RFX7: variants seen among roughly 807,000 people sequenced by gnomAD.
RFX7 encodes the protein regulatory factor X7.
RFX7 carries 26 observed loss-of-function variants against 111.8 expected under a neutral mutation model. The observed-to-expected ratio is 0.23, with a 90% CI of 0.17 to 0.32. The LOEUF (loss-of-function observed/expected upper bound fraction) is 0.32. RFX7 is among the 10% of genes least tolerant of loss of function. RFX7 has a pLI of 1.00. For missense variants in RFX7, 1,573 were observed against 1,772.9 expected (o/e 0.89, Z 2.02); for synonymous variants, 624 against 624.4 (o/e 1.00, Z 0.01).
chr15:56,148,326 G>A (rs775266261), intron 3 of RFX7, among the ~76,000 whole-genome samples: 4 of 152,134 alleles, frequency 2.6e-5, no homozygotes, highest in East Asian at 1.9e-4. Flanking sequence ...TTATGAAGAC[G>A]GTTTTTCTGA....
chr15:56,121,376 T>C (rs1238676216), intron 5 of RFX7, among the ~76,000 whole-genome samples: 2 of 152,190 alleles, frequency 1.3e-5, no homozygotes, highest in East Asian at 1.9e-4. Context: ...CCATTGTATG[T>C]TATTTGTTTG....
At chr15:56,129,375 CAAAA>C (rs144104993) in intron 5 of RFX7, among the ~76,000 whole-genome samples, 1 of 92,948 alleles carries the variant, frequency 1.1e-5, no homozygotes, top group Non-Finnish European at 2.3e-5. Context: ...GACTCCCCCT[CAAAA>C]AAAAAAAAAA....
intron 2 of RFX7, among the ~76,000 whole-genome samples, chr15:56,213,527 A>C (rs891337469): frequency 6.6e-6 from 1 of 152,168 alleles, no homozygotes; most frequent in Non-Finnish European, 1.5e-5. Context: ...CCAATAGTTG[A>C]GGGTGAAAGG....
At position 56,202,265 on chromosome 15, in the gene RFX7, A is replaced by G. The variant is rs150932318; in HGVS notation, c.162-22962T>C. On this transcript the variant is annotated intron_variant, in intron 2 of 9. Transcript: ENST00000559447. ...TAGTACATTAAGAAGTAAAAAACAG[A>G]TATTACATTTAGTAAAATATTTTAG... Among the ~76,000 whole-genome samples the G allele has an allele frequency of 7.9e-4, 120 of 152,310 alleles. 1 individual carries two copies. The highest frequency in any genetic ancestry group is 2.8e-3 in the African/African-American group (118 of 41,568).
chr15:56,109,903 C>A (rs1395462151), intron 5 of RFX7, among the ~76,000 whole-genome samples: 18 of 151,734 alleles, frequency 1.2e-4, no homozygotes, highest in African/African-American at 4.4e-4. Flanking sequence ...CCACCCCGTC[C>A]GGGAGGGAGA....
At chr15:56,187,460 C>T (rs1422399804) in intron 2 of RFX7, among the ~76,000 whole-genome samples, 1 of 152,152 alleles carries the variant, frequency 6.6e-6, no homozygotes, top group Non-Finnish European at 1.5e-5. Context: ...ATCCACCTGC[C>T]TCGGCCTCCC....
At chr15:56,139,737 C>A (rs2042361284) in intron 5 of RFX7, among the ~76,000 whole-genome samples, 2 of 152,046 alleles carry the variant, frequency 1.3e-5, no homozygotes, top group African/African-American at 4.8e-5. Flanking sequence ...TTTTCCCCAT[C>A]TTTGTGGTTT....
At chr15:56,134,578 G>C (rs1261356450) in intron 5 of RFX7, among the ~76,000 whole-genome samples, 1 of 145,734 alleles carries the variant, frequency 6.9e-6, no homozygotes, top group Non-Finnish European at 1.5e-5. Context: ...TTAAATTGTA[G>C]CCTATCTAAA....
rs1466087911 is a variant in RFX7, at chr15:56,094,242, G to C, written c.3486C>G (p.Phe1162Leu). The C allele has an allele frequency of 6.2e-7, 1 of 1,613,980 alleles. No individual in the cohort carries two copies. The highest frequency in any genetic ancestry group is 8.5e-7 in the Non-Finnish European group (1 of 1,179,876). The change falls in exon 10 of 10, where the codon TTC becomes TTG. Residue 1162 changes from phenylalanine to leucine, a missense_variant. Phe to Leu is a conservative substitution (Grantham distance 22). Around this residue, in one of 7 missense-constraint regions of RFX7, gnomAD observed 411 missense variants for 478.1 expected, o/e 0.86. Coordinates refer to ENST00000559447, the MANE Select transcript of RFX7 (RefSeq NM_022841.7). ...CAGCAGGGCTCACACTCCGGCATCTGAAGTTGCTGCTGGCAGATGAATTAG... is the reference window on the plus strand; with the variant it reads ...CAGCAGGGCTCACACTCCGGCATCTCAAGTTGCTGCTGGCAGATGAATTAG... ...KGTNSSASSN[F>L]RCRSVSPAVH...
chr15:56,204,691 A>G (rs570173397), intron 2 of RFX7, among the ~76,000 whole-genome samples: 59 of 152,322 alleles, frequency 3.9e-4, no homozygotes, highest in Admixed American at 3.7e-3. Context: ...ACCCATACCT[A>G]CATTCAAGTA....
At chr15:56,120,160 G>A (rs1474836538) in intron 5 of RFX7, among the ~76,000 whole-genome samples, 1 of 152,068 alleles carries the variant, frequency 6.6e-6, no homozygotes, top group East Asian at 1.9e-4. Context: ...TACATTCTGT[G>A]TCCCCTTCAA....
At chr15:56,177,700 C>A (rs2042917140) in intron 3 of RFX7, among the ~76,000 whole-genome samples, 1 of 152,074 alleles carries the variant, frequency 6.6e-6, no homozygotes, top group Non-Finnish European at 1.5e-5. Context: ...TCAAGTATTG[C>A]AAAGAGAGTG....
At chr15:56,131,981 A>AT (rs1350913754) in intron 5 of RFX7, among the ~76,000 whole-genome samples, 1 of 152,002 alleles carries the variant, frequency 6.6e-6, no homozygotes, top group Non-Finnish European at 1.5e-5. Context: ...ATATTTATTC[A>AT]TTTTTTCATA....
chr15:56,139,685 A>G (rs1314535011), intron 5 of RFX7, among the ~76,000 whole-genome samples: 2 of 151,996 alleles, frequency 1.3e-5, no homozygotes, highest in Non-Finnish European at 2.9e-5. Context: ...GGAGGAGGAG[A>G]GGCGCTCTGG....
chr15:56,198,709 T>G, intron 2 of RFX7, among the ~76,000 whole-genome samples: 1 of 152,144 alleles, frequency 6.6e-6, no homozygotes, highest in East Asian at 1.9e-4. Context: ...ACTGTAAATG[T>G]GATATGATGT....
Position 56,232,697 on chromosome 15 carries a change from G to A in RFX7, c.161+10428C>T, listed in dbSNP as rs889930325. 3.9e-5 allele frequency among the ~76,000 whole-genome samples: 6 copies of A among 152,214 alleles called. No homozygotes were observed. The South Asian group carries it at 8.3e-4, about 21-fold the overall frequency. ...ACAGCACCCAAGTCACCTCTTGAAC[G>A]CTTTGCTGCATAGAAATTGCTTCTG... On this transcript the variant is annotated intron_variant, in intron 2 of 9. Coordinates refer to ENST00000559447, the MANE Select transcript of RFX7 (RefSeq NM_022841.7).
chr15:56,095,571 T>G lies in RFX7; in HGVS notation c.2157A>C (p.Ser719=), dbSNP rs778366443. 2.5e-5 allele frequency: 40 copies of G among 1,613,856 alleles called. No homozygotes were observed. The highest frequency in any genetic ancestry group is 2.3e-4 in the Admixed American group (14 of 60,004). ...TAGAQIPSKV[S]VNVSSHIGAN... Reference sequence around the variant, plus strand: ...CTCCTATGTGTGAACTGACATTTACTGATACCTTGCTAGGAATCTGAGCAC... The same window carrying G: ...CTCCTATGTGTGAACTGACATTTACGGATACCTTGCTAGGAATCTGAGCAC... The change falls in exon 10 of 10, where the codon TCA becomes TCC. Residue 719 remains serine, a synonymous_variant. Coordinates refer to ENST00000559447, the MANE Select transcript of RFX7 (RefSeq NM_022841.7).
At chr15:56,241,025 ATGT>A (rs1397023465) in intron 2 of RFX7, among the ~76,000 whole-genome samples, 47 of 152,146 alleles carry the variant, frequency 3.1e-4, no homozygotes, top group Admixed American at 3.1e-3. Context: ...TTATCTACAA[ATGT>A]TGTTTATTCC....
chr15:56,129,421 T>A (rs369185612), intron 5 of RFX7, among the ~76,000 whole-genome samples: 4 of 151,922 alleles, frequency 2.6e-5, no homozygotes, highest in Non-Finnish European at 5.9e-5. Flanking sequence ...ATGAATTTTA[T>A]AGAACTCATG....
Sources: allele counts gnomAD v4.1 joint callset (sites outside exome capture counted in the v4.1 genomes callset), GRCh38; gene constraint gnomAD v4.1.1; regional missense constraint gnomAD v4.1.1; transcripts MANE v1.5; gene names NCBI Gene and HGNC (gene_info 2026-07-23, HGNC 2026-07-21).